PRKCB: variants seen among roughly 807,000 people sequenced by gnomAD.
PRKCB encodes the protein protein kinase C beta, also known as protein kinase C beta type.
Under a neutral mutation model 81.5 loss-of-function variants are expected in PRKCB, and 13 were observed. The observed-to-expected ratio is 0.16, with a 90% CI of 0.10 to 0.25. The LOEUF (loss-of-function observed/expected upper bound fraction) is 0.25, where lower values mean the gene tolerates loss of function less well. Ranked by LOEUF, PRKCB falls within the 10% of genes least tolerant of loss-of-function variation. The probability of loss-of-function intolerance (pLI) is 1.00; values close to 1 mark genes in which losing one functional copy is unlikely to be tolerated. For synonymous variants in PRKCB, 335 were observed against 321.4 expected, an observed-to-expected ratio of 1.04 and a Z score of -0.45; for missense variants, 509 against 875.7, an observed-to-expected ratio of 0.58 and a Z score of 5.29.
intron 2 of PRKCB, among the ~76,000 whole-genome samples, chr16:23,924,715 T>G (rs1484569867): frequency 6.6e-6 from 1 of 152,122 alleles, no homozygotes; most frequent in Non-Finnish European, 1.5e-5. Flanking sequence ...ATATATTGCA[T>G]AGTTGAAAAT....
At chr16:23,894,320 C>G (rs1045844547) in intron 2 of PRKCB, among the ~76,000 whole-genome samples, 3 of 152,186 alleles carry the variant, frequency 2.0e-5, no homozygotes, top group Admixed American at 6.5e-5. Context: ...ATGAAAGTCT[C>G]AGGACCATTG....
intron 8 of PRKCB, among the ~76,000 whole-genome samples, chr16:24,123,239 G>T (rs1265149424): frequency 6.6e-6 from 1 of 152,164 alleles, no homozygotes; most frequent in African/African-American, 2.4e-5. Flanking sequence ...ATAGCCATTT[G>T]TACCACAGTA....
chr16:23,939,441 A>G (rs374018250), intron 2 of PRKCB, among the ~76,000 whole-genome samples: 11 of 152,338 alleles, frequency 7.2e-5, no homozygotes, highest in South Asian at 6.2e-4. Context: ...GTTTTGAAGA[A>G]GTAGAATAAA....
intron 3 of PRKCB, among the ~76,000 whole-genome samples, chr16:24,030,380 C>T (rs1292814459): frequency 6.6e-6 from 1 of 150,648 alleles, no homozygotes; most frequent in Non-Finnish European, 1.5e-5. Context: ...AGTATGTGTG[C>T]ATGTGGGTGG....
At position 24,037,770 on chromosome 16, in the gene PRKCB, G is replaced by A. The variant is rs528678251; in HGVS notation, c.529+2223G>A. On this transcript the variant is annotated intron_variant, in intron 5 of 16. Transcript: ENST00000643927. ...TTGAGAACCTGGATCACAAGCCCCC[G>A]CTTCTCAGGACACACTGATAGGAGG... Among the ~76,000 whole-genome samples the A allele has an allele frequency of 1.8e-4, 27 of 151,122 alleles. No homozygotes were observed. In the South Asian group the frequency reaches 2.1e-3, roughly 12 times the overall value.
chr16:24,082,841 A>C (rs78076004), intron 5 of PRKCB, among the ~76,000 whole-genome samples: 1,624 of 152,282 alleles, frequency 0.011, 23 homozygotes, highest in African/African-American at 0.036. Context: ...AAGAAAAAAA[A>C]AAAAGTGGTA....
intron 2 of PRKCB, among the ~76,000 whole-genome samples, chr16:23,921,447 G>C (rs1963823241): frequency 6.6e-6 from 1 of 152,178 alleles, no homozygotes. Context: ...CTCGTGAGGA[G>C]ACAGCCTGAT....
intron 9 of PRKCB, among the ~76,000 whole-genome samples, chr16:24,143,564 G>A (rs1966938584): frequency 6.6e-6 from 1 of 152,066 alleles, no homozygotes; most frequent in Admixed American, 6.5e-5. Flanking sequence ...GAGGGGCATG[G>A]GAGAGGGAAC....
At chr16:23,950,705 G>C (rs887537131) in intron 2 of PRKCB, among the ~76,000 whole-genome samples, 1 of 152,208 alleles carries the variant, frequency 6.6e-6, no homozygotes, top group Non-Finnish European at 1.5e-5. Flanking sequence ...GCCTGCTGCT[G>C]TCTTGTCTAT....
intron 3 of PRKCB, among the ~76,000 whole-genome samples, chr16:23,993,614 C>A (rs1267132188): frequency 6.6e-6 from 1 of 152,206 alleles, no homozygotes; most frequent in Non-Finnish European, 1.5e-5. Flanking sequence ...GCTCTGTGAT[C>A]CCTCTTCTCT....
At chr16:24,019,734 A>T (rs903705989) in intron 3 of PRKCB, among the ~76,000 whole-genome samples, 1 of 152,032 alleles carries the variant, frequency 6.6e-6, no homozygotes, top group African/African-American at 2.4e-5. Flanking sequence ...GCTGCACTCC[A>T]GCCTGGGTGA....
At position 24,218,363 on chromosome 16, in the gene PRKCB, C is replaced by T. The variant is rs1233298775; in HGVS notation, c.*3547C>T. The T allele has an allele frequency of 1.0e-6, 1 of 985,128 alleles. No homozygotes were observed. The highest frequency in any genetic ancestry group is 1.7e-5 in the African/African-American group (1 of 57,162). The allele number at this position is 985,128 out of a possible 1,614,324, so 61.0% of individuals were successfully genotyped here. On this transcript the variant is annotated 3_prime_UTR_variant, in exon 17 of 17. Transcript: ENST00000643927. ...GGATGGAAACTCCTATAGCACCCCA[C>T]AGGCTAACAGCAAGCAGGACAAGAC...
chr16:23,999,492 A>G (rs1965004335), intron 3 of PRKCB, among the ~76,000 whole-genome samples: 1 of 152,240 alleles, frequency 6.6e-6, no homozygotes, highest in Admixed American at 6.5e-5. Context: ...CAACCATTCA[A>G]TAACAATGAG....
At chr16:23,986,817 C>T (rs1346038999) in intron 2 of PRKCB, among the ~76,000 whole-genome samples, 3 of 152,114 alleles carry the variant, frequency 2.0e-5, no homozygotes, top group Non-Finnish European at 4.4e-5. Context: ...GTGTATGCAT[C>T]ACCCAGTTCA....
intron 9 of PRKCB, among the ~76,000 whole-genome samples, chr16:24,152,733 G>A (rs1967098030): frequency 6.6e-6 from 1 of 152,208 alleles, no homozygotes; most frequent in African/African-American, 2.4e-5. Flanking sequence ...GTACCAGGGA[G>A]AGAACAGAGG....
intron 6 of PRKCB, among the ~76,000 whole-genome samples, 181 bp downstream of exon 6, chr16:24,093,128 T>C (rs1167328126): frequency 2.0e-5 from 3 of 152,182 alleles, no homozygotes; most frequent in South Asian, 2.1e-4. Context: ...CAATTTTGTA[T>C]TGTGAGCCAA....
chr16:24,020,965 G>A (rs903175992), intron 3 of PRKCB, among the ~76,000 whole-genome samples: 4 of 90,114 alleles, frequency 4.4e-5, no homozygotes, highest in Admixed American at 1.4e-4. Context: ...CAGACTGAGA[G>A]AGACTTTTCT....
intron 10 of PRKCB, among the ~76,000 whole-genome samples, chr16:24,170,929 A>T (rs563101360): frequency 6.6e-6 from 1 of 152,374 alleles, no homozygotes; most frequent in East Asian, 1.9e-4. Flanking sequence ...AGACATGCTG[A>T]AAAACTTCCC....
At chr16:24,063,033 T>A (rs1462003720) in intron 5 of PRKCB, among the ~76,000 whole-genome samples, 2 of 152,006 alleles carry the variant, frequency 1.3e-5, no homozygotes. Flanking sequence ...ATTCCTCTGC[T>A]CTTGGCTGTG....
Sources: gnomAD v4.1 joint callset for allele counts (sites outside exome capture counted in the v4.1 genomes callset) on GRCh38, gnomAD v4.1.1 for gene constraint, MANE v1.5 for transcripts, NCBI Gene and HGNC (gene_info 2026-07-23, HGNC 2026-07-21) for gene names.